The following MSH3 variants were observed in gnomAD, a reference collection of about 807,000 sequenced individuals.
The protein encoded by MSH3 is DNA mismatch repair protein Msh3.
A neutral mutation model predicts 123.3 loss-of-function variants in MSH3; 106 were observed. The observed-to-expected ratio is 0.86, with a 90% CI of 0.73 to 1.01. The LOEUF (loss-of-function observed/expected upper bound fraction) is 1.01, where lower values mean the gene tolerates loss of function less well. Ranked by LOEUF, MSH3 falls within the 50% of genes least tolerant of loss-of-function variation. The probability of loss-of-function intolerance (pLI) is 0.00; values close to 1 mark genes in which losing one functional copy is unlikely to be tolerated. For missense variants in MSH3, 1,459 were observed against 1,347.6 expected (o/e 1.08, Z -1.29); for synonymous variants, 515 against 481.4 (o/e 1.07, Z -0.91).
At chr5:80,706,065 C>T (rs1028452521) in intron 8 of MSH3, among the ~76,000 whole-genome samples, 1 of 152,174 alleles carries the variant, frequency 6.6e-6, no homozygotes, top group Non-Finnish European at 1.5e-5. Context: ...AAAGGAAATA[C>T]CTTTTGGCTG....
At chr5:80,836,358 C>T (rs10075024) in intron 20 of MSH3, among the ~76,000 whole-genome samples, 17,030 of 152,014 alleles carry the variant, frequency 0.11, 1,049 homozygotes, top group African/African-American at 0.16. Context: ...GAGGGGACTA[C>T]AGAGATAAAT....
At chr5:80,680,577 T>G (rs1037154946) in intron 8 of MSH3, among the ~76,000 whole-genome samples, 6 of 151,912 alleles carry the variant, frequency 3.9e-5, no homozygotes, top group Non-Finnish European at 7.4e-5. Flanking sequence ...TCTGTGGTTT[T>G]TTTTTTTTTA....
Position 80,778,813 on chromosome 5 carries a change from TG to T in MSH3, c.2413del (p.Ala805LeufsTer7), listed in dbSNP as rs2112007970. On this transcript the variant is annotated frameshift_variant, in exon 17 of 24. Transcript: ENST00000265081. LOFTEE classifies it high-confidence loss of function. ...LREQLVLDCS[A>X]EWLDFLEKFS... Reference sequence around the variant, plus strand: ...GGGAGCAGCTAGTCCTTGACTGCAGTGCTGAATGGCTTGATTTTCTAGAGTG... The same window carrying T: ...GGGAGCAGCTAGTCCTTGACTGCAGTCTGAATGGCTTGATTTTCTAGAGTG... 6.3e-7 allele frequency: 1 copy of T among 1,592,988 alleles called. No homozygotes were observed. Among genetic ancestry groups the T allele is most frequent in the Non-Finnish European group, 8.6e-7 (1 of 1,160,750 alleles).
At chr5:80,772,614 A>G (rs1277765252) in intron 15 of MSH3, among the ~76,000 whole-genome samples, 1 of 152,232 alleles carries the variant, frequency 6.6e-6, no homozygotes, top group African/African-American at 2.4e-5. Context: ...GTAGACCAGG[A>G]AAAGTTGCTA....
At chr5:80,873,587 G>T (rs1169746507) in intron 23 of MSH3, among the ~76,000 whole-genome samples, 2 of 152,076 alleles carry the variant, frequency 1.3e-5, no homozygotes, top group Non-Finnish European at 2.9e-5. Context: ...TATGCCAAAG[G>T]TTACTGAAGA....
At chr5:80,843,497 A>T (rs556960444) in intron 20 of MSH3, among the ~76,000 whole-genome samples, 1 of 152,154 alleles carries the variant, frequency 6.6e-6, no homozygotes, top group East Asian at 1.9e-4. Context: ...TCCTCTTTGT[A>T]CCTCTGGTAG....
chr5:80,789,810 G>T (rs562515551), intron 18 of MSH3, among the ~76,000 whole-genome samples: 1 of 152,300 alleles, frequency 6.6e-6, no homozygotes, highest in South Asian at 2.1e-4. Context: ...AAAGTTCTGA[G>T]TCAAAGAACT....
intron 10 of MSH3, among the ~76,000 whole-genome samples, chr5:80,740,861 C>T (rs1418544336): frequency 6.6e-6 from 1 of 151,810 alleles, no homozygotes; most frequent in Non-Finnish European, 1.5e-5. Flanking sequence ...ACTACAGGTT[C>T]GTGCCACCAT....
At chr5:80,726,140 A>G (rs967561354) in intron 9 of MSH3, among the ~76,000 whole-genome samples, 36 of 152,346 alleles carry the variant, frequency 2.4e-4, no homozygotes, top group African/African-American at 8.2e-4. Context: ...CATGTCCACA[A>G]TCAGGCATTA....
intron 21 of MSH3, 24 bp from the exon 22 acceptor site, chr5:80,864,789 A>G (rs766910749): frequency 1.9e-6 from 3 of 1,593,000 alleles, no homozygotes; most frequent in African/African-American, 1.3e-5. Flanking sequence ...ATGAAATAAC[A>G]TTTATTCTGT....
At chr5:80,672,698 ATT>A (rs774758214) in intron 5 of MSH3, 41 bp from the exon 6 acceptor site, 1 of 1,491,300 alleles carries the variant, frequency 6.7e-7, no homozygotes, top group Admixed American at 1.7e-5. Flanking sequence ...TTTACAAGTC[ATT>A]TTTTATCCTT....
In MSH3 at chr5:80,760,441, G is replaced by A. The variant is rs188200375; in HGVS notation, c.1764-1105G>A. On this transcript the variant is annotated intron_variant, in intron 12 of 23. Coordinates refer to ENST00000265081, the MANE Select transcript of MSH3 (RefSeq NM_002439.5). ...AAGGTGTAGCCGTTGGTAAAATCCC[G>A]CAGCACTGATCTCCTATGTATCTGA... is the stretch of plus-strand genomic sequence containing the variant. 1.3e-3 allele frequency among the ~76,000 whole-genome samples: 204 copies of A among 152,202 alleles called. 3 individuals carry two copies. The highest frequency in any genetic ancestry group is 4.7e-3 in the African/African-American group (194 of 41,524).
chr5:80,763,999 T>C (rs1023025229), intron 13 of MSH3, among the ~76,000 whole-genome samples: 2 of 152,260 alleles, frequency 1.3e-5, no homozygotes, highest in African/African-American at 4.8e-5. Context: ...AAGATTAGTT[T>C]GAAGGGTGAA....
rs1253850263 is a variant in MSH3, at chr5:80,720,917, CTGTAAG to C, written c.1341-4527_1341-4522del. 1.2e-4 allele frequency among the ~76,000 whole-genome samples: 18 copies of C among 152,250 alleles called. No individual in the cohort carries two copies. The South Asian group carries it at 3.5e-3, about 30-fold the overall frequency. On this transcript the variant is annotated intron_variant, in intron 8 of 23. Transcript: ENST00000265081. ...ATTTTTAAGTGTACAGTTTACACAA[CTGTAAG>C]TGTAAGTGGTAGTTTTACACAATTT...
At chr5:80,737,467 A>G (rs1458875526) in intron 10 of MSH3, among the ~76,000 whole-genome samples, 3 of 152,130 alleles carry the variant, frequency 2.0e-5, no homozygotes, top group Non-Finnish European at 4.4e-5. Flanking sequence ...TGATAAAACT[A>G]TTTTCCCATG....
chr5:80,842,968 T>A (rs1745653701), intron 20 of MSH3, among the ~76,000 whole-genome samples: 1 of 152,178 alleles, frequency 6.6e-6, no homozygotes, highest in African/African-American at 2.4e-5. Flanking sequence ...AGAGAGAGCA[T>A]CCTTGTCATG....
chr5:80,799,619 G>A (rs146365055), intron 19 of MSH3, among the ~76,000 whole-genome samples: 5 of 144,848 alleles, frequency 3.5e-5, no homozygotes, highest in Non-Finnish European at 6.0e-5. Context: ...CTGACTTCAG[G>A]GATATTATGA....
At chr5:80,718,458 C>G (rs980398975) in intron 8 of MSH3, among the ~76,000 whole-genome samples, 3 of 151,278 alleles carry the variant, frequency 2.0e-5, no homozygotes, top group African/African-American at 7.3e-5. Context: ...TCTACAGGTT[C>G]CCTCTCCATC....
chr5:80,744,842 A>G (rs1164568820), intron 12 of MSH3, among the ~76,000 whole-genome samples: 2 of 152,142 alleles, frequency 1.3e-5, no homozygotes, highest in Non-Finnish European at 2.9e-5. Flanking sequence ...GCGTTGTCCC[A>G]GGAAAGTGAG....
Sources: allele counts gnomAD v4.1 joint callset (sites outside exome capture counted in the v4.1 genomes callset), GRCh38; gene constraint gnomAD v4.1.1; transcripts MANE v1.5; gene names NCBI Gene and HGNC (gene_info 2026-07-23, HGNC 2026-07-21).